The following ADORA2B variants were observed in gnomAD, a reference collection of about 807,000 sequenced individuals.
ADORA2B encodes adenosine A2b receptor.
ADORA2B carries 18 observed loss-of-function variants against 20.8 expected under a neutral mutation model. The observed-to-expected ratio is 0.87, with a 90% CI of 0.60 to 1.29. ADORA2B has a LOEUF of 1.29. Ranked by LOEUF, ADORA2B falls within the 50% of genes most tolerant of loss-of-function variation. The pLI, the probability that ADORA2B is intolerant of heterozygous loss-of-function variation, is 0.00. For missense variants in ADORA2B, 441 were observed against 422.7 expected (o/e 1.04, Z -0.38); for synonymous variants, 179 against 178.3 (o/e 1.00, Z -0.03).
intron 1 of ADORA2B, chr17:15,974,062 A>G (rs1970218405): frequency 2.2e-5 from 1 of 45,188 alleles, no homozygotes; most frequent in Non-Finnish European, 6.6e-5. Context: ...GATGGACAGA[A>G]AAAGGAAAAG....
chr17:15,874,058 A>ATATG, the ADORA2B span, among the ~76,000 whole-genome samples: 15 of 91,256 alleles, frequency 1.6e-4, no homozygotes, highest in East Asian at 1.9e-3. Flanking sequence ...ATATATATAT[A>ATATG]TGTGTGTGTG....
the ADORA2B span, among the ~76,000 whole-genome samples, chr17:15,891,929 C>G: frequency 8.1e-3 from 1,213 of 149,296 alleles, 7 homozygotes; most frequent in Non-Finnish European, 0.013. Context: ...CTCACTGCAA[C>G]CTCCACCTGC....
At chr17:15,867,608 C>T in the ADORA2B span, among the ~76,000 whole-genome samples, 18 of 149,172 alleles carry the variant, frequency 1.2e-4, no homozygotes, top group Admixed American at 2.0e-4. Flanking sequence ...GCCACCCCGT[C>T]GGGAAGGGAG....
the ADORA2B span, among the ~76,000 whole-genome samples, chr17:15,874,968 A>G: frequency 1.3e-5 from 2 of 152,032 alleles, no homozygotes; most frequent in African/African-American, 4.8e-5. Context: ...AAGAGGAGAA[A>G]ATGGCATTCC....
chr17:15,872,157 G>A, the ADORA2B span, among the ~76,000 whole-genome samples: 1 of 152,128 alleles, frequency 6.6e-6, no homozygotes, highest in African/African-American at 2.4e-5. Context: ...TGCTTAGTGG[G>A]TACAGTTTTC....
intron 1 of ADORA2B, 52 bp from the exon 2 acceptor site, chr17:15,974,627 T>C (rs891084133): frequency 5.4e-6 from 8 of 1,495,242 alleles, no homozygotes; most frequent in African/African-American, 4.2e-5. Context: ...TCTTGGATTG[T>C]GGTTGCAGAG....
At chr17:15,857,634 G>A in the ADORA2B span, among the ~76,000 whole-genome samples, 1 of 152,082 alleles carries the variant, frequency 6.6e-6, no homozygotes, top group Non-Finnish European at 1.5e-5. Flanking sequence ...CAAGGAGATC[G>A]TTTCAGAGCT....
chr17:15,951,697 G>T (rs1969904084), intron 1 of ADORA2B, among the ~76,000 whole-genome samples: 1 of 152,242 alleles, frequency 6.6e-6, no homozygotes, highest in African/African-American at 2.4e-5. Flanking sequence ...ATTCAATCCA[G>T]AGGATACCTG....
chr17:15,911,997 G>A, the ADORA2B span, among the ~76,000 whole-genome samples: 3 of 152,238 alleles, frequency 2.0e-5, no homozygotes, highest in East Asian at 5.8e-4. Context: ...TGGATCACCT[G>A]AGGTCAGAAG....
chr17:15,908,897 C>T, the ADORA2B span, among the ~76,000 whole-genome samples: 1 of 152,122 alleles, frequency 6.6e-6, no homozygotes, highest in Non-Finnish European at 1.5e-5. Context: ...CAGACCAAGA[C>T]CCCACCCACA....
the ADORA2B span, among the ~76,000 whole-genome samples, chr17:15,873,106 T>A: frequency 6.6e-6 from 1 of 152,222 alleles, no homozygotes; most frequent in East Asian, 1.9e-4. Flanking sequence ...AGAGCTTTTA[T>A]CATAAAGAGA....
chr17:15,974,649 G>T, intron 1 of ADORA2B, 30 bp from the exon 2 acceptor site: 1 of 1,592,544 alleles, frequency 6.3e-7, no homozygotes, highest in South Asian at 1.1e-5. Flanking sequence ...GCTATAAACT[G>T]ACCGTAACAG....
the ADORA2B span, among the ~76,000 whole-genome samples, chr17:15,924,398 G>A: frequency 4.6e-5 from 7 of 152,100 alleles, no homozygotes; most frequent in African/African-American, 1.7e-4. Context: ...GTACATGGTG[G>A]GGTATGAATT....
the ADORA2B span, among the ~76,000 whole-genome samples, chr17:15,869,190 C>T: frequency 1.1e-4 from 17 of 151,294 alleles, no homozygotes; most frequent in Non-Finnish European, 2.9e-5. Context: ...CGTGGTGACG[C>T]ACAACTGTAA....
chr17:15,896,753 C>T, the ADORA2B span, among the ~76,000 whole-genome samples: 30 of 152,122 alleles, frequency 2.0e-4, no homozygotes, highest in Non-Finnish European at 3.8e-4. Context: ...TTTTAGCTGC[C>T]AAACTTTAGA....
At chr17:15,947,096 G>GT (rs1326975204) in intron 1 of ADORA2B, among the ~76,000 whole-genome samples, 1 of 152,156 alleles carries the variant, frequency 6.6e-6, no homozygotes, top group East Asian at 1.9e-4. Context: ...GCTGCTGCCC[G>GT]TGCTGTTGGA....
At chr17:15,953,695 C>T (rs1190164633) in intron 1 of ADORA2B, among the ~76,000 whole-genome samples, 2 of 152,316 alleles carry the variant, frequency 1.3e-5, no homozygotes, top group East Asian at 1.9e-4. Context: ...GAACGTGTCC[C>T]CCATTCCTTT....
chr17:15,944,355 G>C (rs1969770571), upstream of ADORA2B, among the ~76,000 whole-genome samples: 1 of 152,132 alleles, frequency 6.6e-6, no homozygotes, highest in Non-Finnish European at 1.5e-5. This position sits in a 1 kb window ranked among gnomAD's most constrained non-coding sequence, Gnocchi z 4.8. Flanking sequence ...AAGGGTGTGA[G>C]GGCCACGTGG....
chr17:15,966,206 A>G (rs1266239341), intron 1 of ADORA2B, among the ~76,000 whole-genome samples: 2 of 152,254 alleles, frequency 1.3e-5, no homozygotes, highest in Admixed American at 1.3e-4. Context: ...CCCTAAAACA[A>G]ACAGGAAACA....
Sources: gnomAD v4.1 joint callset for allele counts (sites outside exome capture counted in the v4.1 genomes callset) on GRCh38, gnomAD v4.1.1 for gene constraint, Gnocchi (gnomAD v3.1) non-coding constraint, MANE v1.5 for transcripts, NCBI Gene and HGNC (gene_info 2026-07-23, HGNC 2026-07-21) for gene names.